GLCE: variants seen among roughly 807,000 people sequenced by gnomAD.
GLCE encodes glucuronic acid epimerase, also known as D-glucuronyl C5-epimerase.
GLCE carries 19 observed loss-of-function variants against 47.9 expected under a neutral mutation model. The observed-to-expected ratio is 0.40, with a 90% CI of 0.28 to 0.58. GLCE has a LOEUF of 0.58. GLCE is among the 20% of genes least tolerant of loss of function. The pLI is 0.48. For synonymous variants in GLCE, 245 were observed against 263.4 expected (o/e 0.93, Z 0.68); for missense variants, 556 against 743.3 (o/e 0.75, Z 2.93).
Position 69,206,204 on chromosome 15 carries a change from G to A in GLCE, c.-104-4112G>A, listed in dbSNP as rs192762757. Reference sequence around the variant, plus strand: ...TATTTTGCAGAGTGTCTCTCAATTTGTGTTTGTCTGATGCTTTTCTTGTGA... The same window carrying A: ...TATTTTGCAGAGTGTCTCTCAATTTATGTTTGTCTGATGCTTTTCTTGTGA... On this transcript the variant is annotated intron_variant, in intron 1 of 4. Transcript: ENST00000261858. Among the ~76,000 whole-genome samples the A allele has an allele frequency of 5.9e-5, 9 of 151,832 alleles. No individual in the cohort carries two copies. The East Asian group carries it at 1.7e-3, about 29-fold the overall frequency.
intron 1 of GLCE, among the ~76,000 whole-genome samples, chr15:69,194,157 C>G (rs894613773): frequency 6.6e-6 from 1 of 152,154 alleles, no homozygotes; most frequent in African/African-American, 2.4e-5. Context: ...TCCATTAATT[C>G]CATGTGGGCT....
At position 69,206,645 on chromosome 15, in the gene GLCE, G is replaced by A. The variant is rs543222697; in HGVS notation, c.-104-3671G>A. ...TCCCTGTATTCCTTTGACATGTCCC[G>A]TCCTTTTCTTTTTTGAATACTTCCT... On this transcript the variant is annotated intron_variant, in intron 1 of 4. Coordinates refer to ENST00000261858, the MANE Select transcript of GLCE (RefSeq NM_015554.3). Among the ~76,000 whole-genome samples, 14 of 151,734 alleles carry A rather than the reference G, an allele frequency of 9.2e-5. 1 individual carries two copies. Among genetic ancestry groups the A allele is most frequent in the South Asian group, 6.2e-4 (3 of 4,806 alleles).
intron 1 of GLCE, among the ~76,000 whole-genome samples, chr15:69,181,044 G>T (rs952589612): frequency 6.6e-6 from 1 of 152,136 alleles, no homozygotes; most frequent in Non-Finnish European, 1.5e-5. Flanking sequence ...GGGGGACTGG[G>T]AAGCAGGGAG....
intron 3 of GLCE, among the ~76,000 whole-genome samples, chr15:69,258,093 C>T (rs1360150701): frequency 6.6e-6 from 1 of 151,772 alleles, no homozygotes; most frequent in African/African-American, 2.4e-5. Context: ...TATTTTGTCA[C>T]CCAGGTATTA....
intron 1 of GLCE, among the ~76,000 whole-genome samples, chr15:69,183,940 T>C (rs2051786506): frequency 1.3e-5 from 2 of 152,180 alleles, no homozygotes; most frequent in African/African-American, 4.8e-5. Flanking sequence ...AGAATGACTT[T>C]AACTAGTAGA....
At chr15:69,176,602 A>G (rs1002109805) in intron 1 of GLCE, among the ~76,000 whole-genome samples, 2 of 152,124 alleles carry the variant, frequency 1.3e-5, no homozygotes, top group African/African-American at 2.4e-5. Flanking sequence ...ACATTTTTGT[A>G]TAACTTTAAG....
At chr15:69,205,875 T>C (rs1036672758) in intron 1 of GLCE, among the ~76,000 whole-genome samples, 8 of 152,226 alleles carry the variant, frequency 5.3e-5, no homozygotes, top group Non-Finnish European at 1.0e-4. Flanking sequence ...GTTACAAAGA[T>C]AATACAAAGA....
chr15:69,197,651 A>G (rs2052013666), intron 1 of GLCE, among the ~76,000 whole-genome samples: 1 of 152,168 alleles, frequency 6.6e-6, no homozygotes, highest in Non-Finnish European at 1.5e-5. Context: ...GTGTTTAGCA[A>G]TGTGGAAGAT....
intron 1 of GLCE, among the ~76,000 whole-genome samples, chr15:69,161,944 T>C (rs2051430502): frequency 6.6e-6 from 1 of 152,180 alleles, no homozygotes; most frequent in Non-Finnish European, 1.5e-5. Flanking sequence ...GGTGGTGGTC[T>C]GCTTTGCTCA....
chr15:69,265,081 G>T (rs952692118), intron 4 of GLCE, among the ~76,000 whole-genome samples: 3 of 151,990 alleles, frequency 2.0e-5, no homozygotes, highest in African/African-American at 7.2e-5. Flanking sequence ...TTGTACATTT[G>T]ATGTCAAATC....
chr15:69,210,695 C>T (rs193125930), intron 2 of GLCE, among the ~76,000 whole-genome samples: 174 of 152,208 alleles, frequency 1.1e-3, no homozygotes, highest in Admixed American at 4.1e-3. Context: ...CATGATTATA[C>T]ATTCACTGGA....
At chr15:69,231,014 T>C (rs893490772) in intron 2 of GLCE, among the ~76,000 whole-genome samples, 1 of 152,208 alleles carries the variant, frequency 6.6e-6, no homozygotes, top group Non-Finnish European at 1.5e-5. Flanking sequence ...TTGATCTGTG[T>C]AATCCATCAA....
intron 1 of GLCE, among the ~76,000 whole-genome samples, chr15:69,176,249 GTCT>G (rs1444904291): frequency 1.1e-5 from 1 of 94,008 alleles, no homozygotes; most frequent in East Asian, 3.0e-4. Context: ...TTGAGACAGG[GTCT>G]TGTTCTGTTG....
chr15:69,174,115 C>T (rs2051625978), intron 1 of GLCE, among the ~76,000 whole-genome samples: 1 of 152,168 alleles, frequency 6.6e-6, no homozygotes, highest in Admixed American at 6.5e-5. Context: ...GCCTTGGCCT[C>T]CCAAAGTGAT....
intron 1 of GLCE, among the ~76,000 whole-genome samples, chr15:69,173,729 C>A (rs2051620658): frequency 6.6e-6 from 1 of 152,056 alleles, no homozygotes; most frequent in African/African-American, 2.4e-5. Context: ...TTCCAATTGG[C>A]AAAACATTTT....
chr15:69,261,403 A>G (rs2053013276), intron 4 of GLCE, 74 bp downstream of exon 4: 2 of 1,431,488 alleles, frequency 1.4e-6, no homozygotes, highest in African/African-American at 2.9e-5. Context: ...TAAAATTTTA[A>G]TATGGTTTAA....
intron 1 of GLCE, among the ~76,000 whole-genome samples, chr15:69,209,748 C>T (rs1469517338): frequency 6.6e-6 from 1 of 152,044 alleles, no homozygotes; most frequent in African/African-American, 2.4e-5. Flanking sequence ...GATCTTTATC[C>T]CTCTTTAATG....
intron 2 of GLCE, among the ~76,000 whole-genome samples, chr15:69,211,791 A>T (rs2052237206): frequency 6.6e-6 from 1 of 152,038 alleles, no homozygotes; most frequent in Admixed American, 6.6e-5. Context: ...AAGCTTCTAA[A>T]ATCTTCATCT....
intron 1 of GLCE, among the ~76,000 whole-genome samples, chr15:69,171,887 A>T (rs1323620169): frequency 6.6e-6 from 1 of 152,200 alleles, no homozygotes; most frequent in East Asian, 1.9e-4. Flanking sequence ...AAGAATTTAC[A>T]TCTAATTGTG....
Sources: allele counts gnomAD v4.1 joint callset (sites outside exome capture counted in the v4.1 genomes callset), GRCh38; gene constraint gnomAD v4.1.1; transcripts MANE v1.5; gene names NCBI Gene and HGNC (gene_info 2026-07-23, HGNC 2026-07-21).